The following JAKMIP1 variants were observed in gnomAD, a reference collection of about 807,000 sequenced individuals.
JAKMIP1 encodes the protein janus kinase and microtubule-interacting protein 1.
JAKMIP1 carries 33 observed loss-of-function variants against 113.0 expected under a neutral mutation model. That is an observed-to-expected ratio of 0.29 (90% CI 0.22 to 0.39). JAKMIP1 has a LOEUF of 0.39. Ranked by LOEUF, JAKMIP1 falls within the 10% of genes least tolerant of loss-of-function variation. The pLI, the probability that JAKMIP1 is intolerant of heterozygous loss-of-function variation, is 1.00. For missense variants in JAKMIP1, 813 were observed against 1,080.5 expected (o/e 0.75, Z 3.47); for synonymous variants, 480 against 459.9 (o/e 1.04, Z -0.56).
chr4:6,090,473 G>A (rs1721896953), intron 3 of JAKMIP1, among the ~76,000 whole-genome samples: 2 of 152,176 alleles, frequency 1.3e-5, no homozygotes, highest in African/African-American at 4.8e-5. Flanking sequence ...ATTGTTGTAA[G>A]CCTCCAAGTT....
intron 3 of JAKMIP1, among the ~76,000 whole-genome samples, chr4:6,103,853 T>G (rs887083180): frequency 6.6e-6 from 1 of 152,220 alleles, no homozygotes; most frequent in African/African-American, 2.4e-5. Flanking sequence ...TTTTTGATAT[T>G]AGTAATTTAT....
intron 1 of JAKMIP1, among the ~76,000 whole-genome samples, chr4:6,164,796 T>G (rs2109009119): frequency 6.6e-6 from 1 of 152,288 alleles, no homozygotes; most frequent in Non-Finnish European, 1.5e-5. Flanking sequence ...GCAAGAGAAT[T>G]AGAATGAGAA....
At chr4:6,174,541 C>T (rs927681278) in intron 1 of JAKMIP1, among the ~76,000 whole-genome samples, 2 of 152,168 alleles carry the variant, frequency 1.3e-5, no homozygotes, top group Non-Finnish European at 1.5e-5. Context: ...TGCACCAGAG[C>T]GAACCAGGGT....
chr4:6,165,068 G>A lies in JAKMIP1; in HGVS notation c.-148+35185C>T, dbSNP rs189432481. ...TGTGGGCAAAATGCTGCCAAGTATT[G>A]TGTGCTACAGAGAAATCTTTGGTGA... On this transcript the variant is annotated intron_variant, in intron 1 of 20. Coordinates refer to ENST00000409021, the MANE Select transcript of JAKMIP1 (RefSeq NM_001099433.2). Among the ~76,000 whole-genome samples, 1,163 of 152,306 alleles carry A rather than the reference G, an allele frequency of 7.6e-3. 17 individuals are homozygous for A. Among genetic ancestry groups the A allele is most frequent in the Non-Finnish European group, 8.3e-3 (563 of 68,024 alleles).
At chr4:6,104,237 T>C (rs905179852) in intron 3 of JAKMIP1, among the ~76,000 whole-genome samples, 2 of 152,202 alleles carry the variant, frequency 1.3e-5, no homozygotes, top group African/African-American at 4.8e-5. Flanking sequence ...GTTGGTGAAA[T>C]CATGTCTTTA....
intron 18 of JAKMIP1, among the ~76,000 whole-genome samples, chr4:6,036,983 ATCCCTCCATCACT>A (rs1713558970): frequency 7.8e-5 from 8 of 102,996 alleles, no homozygotes; most frequent in Admixed American, 4.1e-4. Context: ...GCTAACCAGT[ATCCCTCCATCACT>A]GAGGCAGAGG....
At chr4:6,174,493 G>T (rs1725104244) in intron 1 of JAKMIP1, among the ~76,000 whole-genome samples, 1 of 152,184 alleles carries the variant, frequency 6.6e-6, no homozygotes, top group African/African-American at 2.4e-5. Flanking sequence ...GGGCCCTCAG[G>T]CCCGATGGTT....
Position 6,176,156 on chromosome 4 carries a change from CT to C in JAKMIP1, c.-148+24096del, listed in dbSNP as rs1211144009. On this transcript the variant is annotated intron_variant, in intron 1 of 20. Transcript: ENST00000409021. This position sits in a 1 kb window ranked among gnomAD's most constrained non-coding sequence, Gnocchi z 5.5. Reference sequence around the variant, plus strand: ...GAAGGGACTACAAATCTCTAACAGGCTTGAGTTTGACTTTGAGCACAGTGGG... The same window carrying C: ...GAAGGGACTACAAATCTCTAACAGGCTGAGTTTGACTTTGAGCACAGTGGG... Among the ~76,000 whole-genome samples, 1 of 152,180 alleles carries C rather than the reference CT, an allele frequency of 6.6e-6. No individual in the cohort carries two copies. Among genetic ancestry groups the C allele is most frequent in the Non-Finnish European group, 1.5e-5 (1 of 68,036 alleles).
intron 5 of JAKMIP1, among the ~76,000 whole-genome samples, chr4:6,082,177 A>T (rs1452688290): frequency 6.6e-6 from 1 of 152,100 alleles, no homozygotes; most frequent in Admixed American, 6.5e-5. Context: ...CTTCACAAAG[A>T]AAGTGCCAAG....
rs1354071863 is a variant in JAKMIP1, at chr4:6,116,016, A to G, written c.-147-3019T>C. On this transcript the variant is annotated intron_variant, in intron 1 of 20. Coordinates refer to ENST00000409021, the MANE Select transcript of JAKMIP1 (RefSeq NM_001099433.2). This position sits in a 1 kb window ranked among gnomAD's most constrained non-coding sequence, Gnocchi z 5.1. ...CCGATTCCAGGGTGAATAAATCTCC[A>G]TGGGCTGATACCAAGCCTGGTACTC... Among the ~76,000 whole-genome samples the G allele has an allele frequency of 2.0e-5, 3 of 152,054 alleles. No homozygotes were observed. The highest frequency in any genetic ancestry group is 7.2e-5 in the African/African-American group (3 of 41,402).
intron 1 of JAKMIP1, among the ~76,000 whole-genome samples, chr4:6,196,651 G>A (rs1727876290): frequency 1.3e-5 from 2 of 152,182 alleles, no homozygotes; most frequent in Admixed American, 1.3e-4. Context: ...GTGAGGTCAG[G>A]AGTTTGAGAC....
Position 6,140,746 on chromosome 4 carries a change from T to C in JAKMIP1, c.-147-27749A>G, listed in dbSNP as rs570984723. 3.3e-5 allele frequency among the ~76,000 whole-genome samples: 5 copies of C among 152,274 alleles called. 1 individual carries two copies. The highest frequency in any genetic ancestry group is 1.2e-4 in the African/African-American group (5 of 41,510). ...TATCCCAGATAACTTGGTAGAATAA[T>C]ATTTCTCTCGTCTGGTGTCATCCTT... On this transcript the variant is annotated intron_variant, in intron 1 of 20. Transcript: ENST00000409021. This position sits in a 1 kb window ranked among gnomAD's most constrained non-coding sequence, Gnocchi z 9.4.
At chr4:6,112,185 C>G (rs573103156) in intron 2 of JAKMIP1, among the ~76,000 whole-genome samples, 1 of 152,336 alleles carries the variant, frequency 6.6e-6, no homozygotes, top group African/African-American at 2.4e-5. Flanking sequence ...AACCAAAAGC[C>G]TGACTTAGGA....
chr4:6,157,327 G>A lies in JAKMIP1; in HGVS notation c.-148+42926C>T, dbSNP rs1487987217. ...GGCAGGTTACTCCCTCTGCAAAAAG[G>A]CGCACGGGATGGGAAGCTGGCGCAC... On this transcript the variant is annotated intron_variant, in intron 1 of 20. Coordinates refer to ENST00000409021, the MANE Select transcript of JAKMIP1 (RefSeq NM_001099433.2). This position sits in a 1 kb window ranked among gnomAD's most constrained non-coding sequence, Gnocchi z 4.7. 6.6e-6 allele frequency among the ~76,000 whole-genome samples: 1 copy of A among 152,170 alleles called. No individual in the cohort carries two copies. The highest frequency in any genetic ancestry group is 1.5e-5 in the Non-Finnish European group (1 of 68,032).
chr4:6,118,558 C>A (rs1237408332), intron 1 of JAKMIP1, among the ~76,000 whole-genome samples: 1 of 152,168 alleles, frequency 6.6e-6, no homozygotes. Context: ...CTTGGCCTGA[C>A]CCCACAGCCT....
In JAKMIP1 at chr4:6,049,807, G is replaced by A. The variant is rs767885856; in HGVS notation, c.1962+12C>T. 5.6e-6 allele frequency: 9 copies of A among 1,600,146 alleles called. No individual in the cohort carries two copies. In the Middle Eastern group the frequency reaches 5.0e-4, roughly 88 times the overall value. On this transcript the variant is annotated intron_variant, in intron 15 of 20. Coordinates refer to ENST00000409021, the MANE Select transcript of JAKMIP1 (RefSeq NM_001099433.2). The surrounding 1 kb of genome is among the most constrained non-coding windows in gnomAD (Gnocchi z 7.0). ...AAGAACACGAAAGCAGAAACCGATC[G>A]CTCATAGTTACCCCGTTATCGCCAA...
At chr4:6,122,165 T>G (rs1716805601) in intron 1 of JAKMIP1, among the ~76,000 whole-genome samples, 1 of 152,022 alleles carries the variant, frequency 6.6e-6, no homozygotes, top group Non-Finnish European at 1.5e-5. Context: ...GTCAAGATAG[T>G]GAAACCCCGT....
chr4:6,105,690 G>A lies in JAKMIP1; in HGVS notation c.407C>T (p.Ala136Val), dbSNP rs1366592247. The change falls in exon 3 of 21, where the codon GCG becomes GTG. Residue 136 changes from alanine (A) to valine (V), a missense_variant. By Grantham distance (64) the Ala-to-Val change is moderately conservative (BLOSUM62 0). This residue lies in a region of JAKMIP1 where 540 missense variants were observed against 653.9 expected (regional missense o/e 0.83). Coordinates refer to ENST00000409021, the MANE Select transcript of JAKMIP1 (RefSeq NM_001099433.2). ...GAAGGCCCTGCGCGCCTCCTCGCGC[G>A]CCTCGGTCAGCAGCGCCGTCTTGAC... ...DKVKTALLTE[A>V]REEARRAFDG... 1.2e-6 allele frequency: 2 copies of A among 1,603,024 alleles called. No individual in the cohort carries two copies. Among genetic ancestry groups the A allele is most frequent in the Non-Finnish European group, 1.7e-6 (2 of 1,177,636 alleles).
rs1473825504 is a variant in JAKMIP1, at chr4:6,178,639, T to C, written c.-148+21614A>G. ...GTGTTTGCTTCCCCTAATGCCATGA[T>C]TGTAAGTTTTTTAAGGCTTCCCCAG... On this transcript the variant is annotated intron_variant, in intron 1 of 20. Transcript: ENST00000409021. This position sits in a 1 kb window ranked among gnomAD's most constrained non-coding sequence, Gnocchi z 5.5. Among the ~76,000 whole-genome samples the C allele has an allele frequency of 1.3e-5, 2 of 152,170 alleles. No homozygotes were observed. Among genetic ancestry groups the C allele is most frequent in the Non-Finnish European group, 2.9e-5 (2 of 68,016 alleles).
Sources: gnomAD v4.1 joint callset for allele counts (sites outside exome capture counted in the v4.1 genomes callset) on GRCh38, gnomAD v4.1.1 for gene constraint, gnomAD v4.1.1 regional missense constraint, Gnocchi (gnomAD v3.1) non-coding constraint, MANE v1.5 for transcripts, NCBI Gene and HGNC (gene_info 2026-07-23, HGNC 2026-07-21) for gene names.